DRC8: variants seen among roughly 807,000 people sequenced by gnomAD.
The protein encoded by DRC8 is dynein regulatory complex protein 8.
At chr1:245,025,759 G>A in the DRC8 span, among the ~76,000 whole-genome samples, 7 of 152,216 alleles carry the variant, frequency 4.6e-5, no homozygotes, top group African/African-American at 9.6e-5. Flanking sequence ...GGAGGGACCC[G>A]GTAAGAGGTA....
the DRC8 span, among the ~76,000 whole-genome samples, chr1:245,090,567 G>A: frequency 6.6e-6 from 1 of 152,148 alleles, no homozygotes; most frequent in Non-Finnish European, 1.5e-5. Flanking sequence ...TTAGAAAGGT[G>A]ACAATCAAGA....
At chr1:245,025,838 G>A in the DRC8 span, among the ~76,000 whole-genome samples, 57 of 152,290 alleles carry the variant, frequency 3.7e-4, no homozygotes, top group Non-Finnish European at 6.9e-4. Flanking sequence ...TTTATAAAGG[G>A]CAGCTCCCCT....
chr1:245,087,626 A>G, the DRC8 span: 1 of 1,070,004 alleles, frequency 9.3e-7, no homozygotes, highest in Non-Finnish European at 1.1e-6. Flanking sequence ...TATTTTCTAC[A>G]ATAAAACTCA....
the DRC8 span, among the ~76,000 whole-genome samples, chr1:245,056,802 C>T: frequency 6.6e-6 from 1 of 151,648 alleles, no homozygotes; most frequent in African/African-American, 2.4e-5. Flanking sequence ...CTGGGCGTGG[C>T]GGCCCATGCC....
the DRC8 span, among the ~76,000 whole-genome samples, chr1:245,083,151 C>T: frequency 2.0e-5 from 3 of 152,304 alleles, no homozygotes; most frequent in East Asian, 1.9e-4. Context: ...GCCCGAACTC[C>T]GCCTCCTGTC....
the DRC8 span, among the ~76,000 whole-genome samples, chr1:245,081,172 T>C: frequency 6.6e-6 from 1 of 150,834 alleles, no homozygotes; most frequent in Non-Finnish European, 1.5e-5. Context: ...TATATATATA[T>C]ATTTTTTGAG....
chr1:245,027,127 C>T, the DRC8 span, among the ~76,000 whole-genome samples: 1 of 152,196 alleles, frequency 6.6e-6, no homozygotes, highest in African/African-American at 2.4e-5. Flanking sequence ...TCTTTACCAT[C>T]TCACTTTGTA....
At chr1:245,041,612 T>G in the DRC8 span, among the ~76,000 whole-genome samples, 1 of 152,164 alleles carries the variant, frequency 6.6e-6, no homozygotes, top group African/African-American at 2.4e-5. Flanking sequence ...ATTCGTGTTT[T>G]AAAGTCTTAA....
the DRC8 span, among the ~76,000 whole-genome samples, chr1:245,045,042 C>T: frequency 6.6e-6 from 1 of 152,100 alleles, no homozygotes; most frequent in Non-Finnish European, 1.5e-5. Context: ...GAGTCTTGTT[C>T]TGTCACCCAG....
At chr1:244,981,332 G>A in the DRC8 span, among the ~76,000 whole-genome samples, 5 of 152,274 alleles carry the variant, frequency 3.3e-5, no homozygotes, top group South Asian at 1.0e-3. Context: ...ATGGGAAAAT[G>A]AGCAAATAGT....
the DRC8 span, among the ~76,000 whole-genome samples, chr1:244,980,000 C>G: frequency 8.0e-6 from 1 of 125,128 alleles, no homozygotes; most frequent in Non-Finnish European, 1.6e-5. Context: ...GTCAGGAGAT[C>G]AAGACCATTC....
chr1:244,987,975 C>T, the DRC8 span, among the ~76,000 whole-genome samples: 21 of 152,024 alleles, frequency 1.4e-4, no homozygotes, highest in African/African-American at 5.1e-4. Flanking sequence ...TATGACTGCT[C>T]CTTTGTATTT....
chr1:245,081,780 A>G, the DRC8 span, among the ~76,000 whole-genome samples: 1 of 152,074 alleles, frequency 6.6e-6, no homozygotes, highest in Non-Finnish European at 1.5e-5. Context: ...AGTGTTCTTT[A>G]TTGGCTGTTC....
At chr1:245,103,952 GT>G in the DRC8 span, among the ~76,000 whole-genome samples, 1 of 152,222 alleles carries the variant, frequency 6.6e-6, no homozygotes, top group Non-Finnish European at 1.5e-5. Context: ...ATAAGACAGA[GT>G]AAAAAGAGGC....
the DRC8 span, among the ~76,000 whole-genome samples, chr1:245,058,028 G>A: frequency 1.3e-5 from 2 of 152,076 alleles, no homozygotes; most frequent in Non-Finnish European, 2.9e-5. Flanking sequence ...GTAAGTGTGA[G>A]AATGTGCGAT....
At chr1:245,032,899 GC>G in the DRC8 span, among the ~76,000 whole-genome samples, 1 of 151,970 alleles carries the variant, frequency 6.6e-6, no homozygotes. Context: ...GTGCACGCCT[GC>G]TGTCCCAGCT....
At chr1:245,016,241 G>A in the DRC8 span, among the ~76,000 whole-genome samples, 7 of 152,144 alleles carry the variant, frequency 4.6e-5, no homozygotes, top group South Asian at 2.1e-4. Context: ...TCGGCCTCCC[G>A]AAGTGCTGGG....
At chr1:245,013,135 A>C in the DRC8 span, among the ~76,000 whole-genome samples, 1 of 80,372 alleles carries the variant, frequency 1.2e-5, no homozygotes, top group African/African-American at 4.9e-5. Flanking sequence ...CCAGTGTCAA[A>C]AACAAAAAAC....
the DRC8 span, among the ~76,000 whole-genome samples, chr1:245,081,390 T>A: frequency 6.6e-6 from 1 of 152,172 alleles, no homozygotes; most frequent in Non-Finnish European, 1.5e-5. Context: ...CTCCATCTGC[T>A]GACCTCGTGA....
Sources: allele counts gnomAD v4.1 joint callset (sites outside exome capture counted in the v4.1 genomes callset), GRCh38; gene constraint gnomAD v4.1.1; transcripts MANE v1.5; gene names NCBI Gene and HGNC (gene_info 2026-07-23, HGNC 2026-07-21).